The following KAZN variants were observed in gnomAD, a reference collection of about 807,000 sequenced individuals.
KAZN encodes kazrin, periplakin interacting protein, also known as kazrin.
KAZN carries 40 observed loss-of-function variants against 87.4 expected under a neutral mutation model. The observed-to-expected ratio is 0.46, with a 90% CI of 0.36 to 0.60. KAZN has a LOEUF of 0.60. KAZN is among the 20% of genes least tolerant of loss of function. KAZN has a pLI of 0.00. For missense variants in KAZN, 898 were observed against 1,073.9 expected (o/e 0.84, Z 2.29); for synonymous variants, 466 against 458.3 (o/e 1.02, Z -0.22).
chr1:14,284,702 C>G (rs1318826971), intron 2 of KAZN, among the ~76,000 whole-genome samples: 2 of 152,142 alleles, frequency 1.3e-5, no homozygotes, highest in African/African-American at 4.8e-5. Flanking sequence ...AGGAAAGGAC[C>G]ACTGGGAGAC....
intron 1 of KAZN, among the ~76,000 whole-genome samples, chr1:14,110,594 T>C (rs1453427982): frequency 4.6e-4 from 36 of 77,974 alleles, no homozygotes; most frequent in Middle Eastern, 7.0e-3. Flanking sequence ...TTTGCATGAC[T>C]TGGAATGATA....
chr1:14,388,927 A>T (rs1662185098), intron 2 of KAZN, among the ~76,000 whole-genome samples: 1 of 152,198 alleles, frequency 6.6e-6, no homozygotes, highest in South Asian at 2.1e-4. Flanking sequence ...ACAGAATGAG[A>T]TAAAATATTT....
At chr1:14,457,612 AG>A (rs1378910761) in intron 2 of KAZN, among the ~76,000 whole-genome samples, 3 of 152,190 alleles carry the variant, frequency 2.0e-5, no homozygotes, top group Middle Eastern at 3.4e-3. Flanking sequence ...AAATTTTTCA[AG>A]TAAGTTATCA....
At chr1:15,074,292 G>T (rs146191433) in intron 8 of KAZN, among the ~76,000 whole-genome samples, 1 of 152,320 alleles carries the variant, frequency 6.6e-6, no homozygotes, top group African/African-American at 2.4e-5. Flanking sequence ...CAGTGTATTC[G>T]GCTTGTTGAA....
intron 2 of KAZN, among the ~76,000 whole-genome samples, chr1:14,335,416 C>T (rs577556519): frequency 7.2e-5 from 11 of 151,802 alleles, no homozygotes; most frequent in Admixed American, 3.3e-4. Context: ...TTGGTCAAGC[C>T]GGTCTCAAAC....
chr1:15,043,736 C>T (rs1028919661), intron 3 of KAZN, among the ~76,000 whole-genome samples: 3 of 149,812 alleles, frequency 2.0e-5, no homozygotes, highest in Non-Finnish European at 3.0e-5. Flanking sequence ...CTCCACCTCC[C>T]AGGTTCTGCC....
intron 2 of KAZN, among the ~76,000 whole-genome samples, chr1:14,275,105 C>G (rs957461409): frequency 6.6e-6 from 1 of 152,104 alleles, no homozygotes; most frequent in Non-Finnish European, 1.5e-5. Context: ...AGCCATGTTC[C>G]CACCACCCAG....
At chr1:14,908,367 C>T (rs145380728) in intron 1 of KAZN, among the ~76,000 whole-genome samples, 37 of 151,532 alleles carry the variant, frequency 2.4e-4, no homozygotes, top group African/African-American at 5.8e-4. Flanking sequence ...ATGGTGAAAC[C>T]TCATCTCTAC....
At chr1:14,357,222 T>C (rs1006701772) in intron 2 of KAZN, among the ~76,000 whole-genome samples, 11 of 151,944 alleles carry the variant, frequency 7.2e-5, no homozygotes, top group Non-Finnish European at 1.3e-4. Context: ...GGCTCTCTGT[T>C]TGTCTGTTAT....
rs16851249 is a variant in KAZN, at chr1:15,077,714, G to A, written c.1222+11961G>A. ...ATGGGCCTGACAATAGGGTGACTCC[G>A]TATTATCCAAGAAATCCCAGGAGGC... On this transcript the variant is annotated intron_variant, in intron 8 of 14. Coordinates refer to ENST00000376030, the MANE Select transcript of KAZN (RefSeq NM_201628.3). This position sits in a 1 kb window ranked among gnomAD's most constrained non-coding sequence, Gnocchi z 4.8. Among the ~76,000 whole-genome samples, 1,667 of 152,274 alleles carry A rather than the reference G, an allele frequency of 0.011. 36 individuals carry two copies. Among genetic ancestry groups the A allele is most frequent in the African/African-American group, 0.038 (1,580 of 41,538 alleles).
At chr1:14,298,511 C>G (rs921957016) in intron 2 of KAZN, among the ~76,000 whole-genome samples, 1 of 152,206 alleles carries the variant, frequency 6.6e-6, no homozygotes, top group African/African-American at 2.4e-5. Flanking sequence ...TCTCCTACCT[C>G]CCCCCATGCA....
intron 1 of KAZN, among the ~76,000 whole-genome samples, chr1:14,869,890 T>C (rs58112690): frequency 0.032 from 4,851 of 152,302 alleles, 252 homozygotes; most frequent in African/African-American, 0.11. Flanking sequence ...GCTGCTGGGT[T>C]GTACCGGTCT....
chr1:15,093,242 C>T (rs1056228660), intron 8 of KAZN, among the ~76,000 whole-genome samples: 1 of 152,038 alleles, frequency 6.6e-6, no homozygotes, highest in Non-Finnish European at 1.5e-5. Flanking sequence ...AATGCACGCA[C>T]CCCGTAAGCA....
intron 2 of KAZN, among the ~76,000 whole-genome samples, chr1:14,969,738 C>T (rs1037236410): frequency 7.2e-5 from 11 of 152,154 alleles, no homozygotes; most frequent in Admixed American, 2.0e-4. Flanking sequence ...GCACCCTCAC[C>T]CTGGCTGCTT....
At chr1:14,480,406 C>A (rs1238724688) in intron 2 of KAZN, among the ~76,000 whole-genome samples, 3 of 152,144 alleles carry the variant, frequency 2.0e-5, no homozygotes, top group African/African-American at 7.2e-5. Flanking sequence ...TGACAGGCCC[C>A]TAAACATACA....
At chr1:14,920,337 C>A (rs1328823260) in intron 1 of KAZN, among the ~76,000 whole-genome samples, 3 of 133,210 alleles carry the variant, frequency 2.3e-5, no homozygotes, top group African/African-American at 8.3e-5. Flanking sequence ...GTCATGGGGA[C>A]CCTGTCTGGC....
Position 14,031,208 on chromosome 1 carries a change from G to C in KAZN, c.91+137452G>C, listed in dbSNP as rs955797847. On this transcript the variant is annotated intron_variant, in intron 1 of 16. Transcript: ENST00000636203. ...AGTGACTTTTGGAGGCACATGAAAAGGTATGTCCAAATACCATGTGAATAT... is the reference window on the plus strand; with the variant it reads ...AGTGACTTTTGGAGGCACATGAAAACGTATGTCCAAATACCATGTGAATAT... Among the ~76,000 whole-genome samples the C allele has an allele frequency of 3.9e-5, 6 of 152,256 alleles. No individual in the cohort carries two copies. In the South Asian group the frequency reaches 1.2e-3, roughly 32 times the overall value.
intron 2 of KAZN, among the ~76,000 whole-genome samples, chr1:14,330,741 T>G (rs995952937): frequency 6.6e-6 from 1 of 152,042 alleles, no homozygotes; most frequent in Non-Finnish European, 1.5e-5. Flanking sequence ...AAAAAAAAAT[T>G]CTAAGCATGA....
intron 1 of KAZN, among the ~76,000 whole-genome samples, chr1:14,629,036 G>A (rs765326947): frequency 1.3e-5 from 2 of 152,020 alleles, no homozygotes; most frequent in Admixed American, 6.6e-5. Flanking sequence ...TACTGGAGAC[G>A]GGGTTTCACC....
Sources: allele counts gnomAD v4.1 joint callset (sites outside exome capture counted in the v4.1 genomes callset), GRCh38; gene constraint gnomAD v4.1.1; non-coding constraint Gnocchi (gnomAD v3.1); transcripts MANE v1.5; gene names NCBI Gene and HGNC (gene_info 2026-07-23, HGNC 2026-07-21).